The following METAP1 variants were observed in gnomAD, a reference collection of about 807,000 sequenced individuals.
The protein encoded by METAP1 is methionyl aminopeptidase 1, also known as methionine aminopeptidase 1.
In METAP1, 28 loss-of-function variants were observed where a neutral mutation model predicts 53.8. The observed-to-expected ratio is 0.52, with a 90% CI of 0.39 to 0.71. The LOEUF (loss-of-function observed/expected upper bound fraction) is 0.71, where lower values mean the gene tolerates loss of function less well. Among genes scored for constraint, METAP1 ranks in the 30% least tolerant of loss-of-function variants. METAP1 has a pLI of 0.00. For missense variants in METAP1, 389 were observed against 479.8 expected (o/e 0.81, Z 1.77); for synonymous variants, 181 against 165.7 (o/e 1.09, Z -0.71).
rs1727317845 is a variant in METAP1, at chr4:99,058,645, CT to C, written c.997+829del. Among the ~76,000 whole-genome samples the C allele has an allele frequency of 4.6e-5, 7 of 152,278 alleles. No homozygotes were observed. The South Asian group carries it at 1.5e-3, about 32-fold the overall frequency. On this transcript the variant is annotated intron_variant, in intron 10 of 10. Transcript: ENST00000296411. Reference sequence around the variant, plus strand: ...CCCTGTTTTAAAGGATACTCCCTCTCTTGATCCTTCCAGTCTTTTTATAACC... The same window carrying C: ...CCCTGTTTTAAAGGATACTCCCTCTCTGATCCTTCCAGTCTTTTTATAACC...
Position 99,035,411 on chromosome 4 carries a change from G to A in METAP1, c.291G>A (p.Arg97=), listed in dbSNP as rs1331515808. Residue 97 remains arginine, a synonymous_variant, in exon 4 of 11, where the codon AGG becomes AGA. Transcript: ENST00000296411. The part of the protein sequence containing the change: ...LRPHYPLMPT[R]PVPSYIQRPD... ...AACTTTGTTTTTAGATGCCAACAAG[G>A]CCAGTGCCAAGTTATATTCAAAGAC... The A allele has an allele frequency of 9.0e-6, 14 of 1,547,418 alleles. No homozygotes were observed. The highest frequency in any genetic ancestry group is 1.1e-5 in the Non-Finnish European group (13 of 1,143,538).
At chr4:99,017,491 G>A (rs1476065139) in intron 1 of METAP1, among the ~76,000 whole-genome samples, 3 of 152,136 alleles carry the variant, frequency 2.0e-5, no homozygotes, top group Non-Finnish European at 4.4e-5. Flanking sequence ...AGGAACAAAT[G>A]TTGTCTTGTT....
Position 99,018,152 on chromosome 4 carries a change from C to A in METAP1, c.115-10715C>A, listed in dbSNP as rs141141350. Reference sequence around the variant, plus strand: ...TCCAGTCAATCCCAGAAATAAGTTCCTGTTTTGTTTGAGGCAGGGGCAAGG... The same window carrying A: ...TCCAGTCAATCCCAGAAATAAGTTCATGTTTTGTTTGAGGCAGGGGCAAGG... On this transcript the variant is annotated intron_variant, in intron 1 of 10. Transcript: ENST00000296411. Among the ~76,000 whole-genome samples, 660 of 152,250 alleles carry A rather than the reference C, an allele frequency of 4.3e-3. 3 individuals are homozygous for A. The highest frequency in any genetic ancestry group is 6.0e-3 in the Non-Finnish European group (409 of 68,004).
intron 3 of METAP1, 53 bp from the exon 4 acceptor site, chr4:99,035,344 CCCT>C: frequency 7.9e-7 from 1 of 1,260,388 alleles, no homozygotes. Flanking sequence ...CTTCTTTCTC[CCCT>C]CGTTTTATTT....
At chr4:99,054,278 C>T (rs1044580657) in intron 9 of METAP1, among the ~76,000 whole-genome samples, 10 of 152,188 alleles carry the variant, frequency 6.6e-5, no homozygotes, top group Non-Finnish European at 1.3e-4. Flanking sequence ...TCTACATCAG[C>T]ACTTGCCGCT....
intron 1 of METAP1, 61 bp from the exon 2 acceptor site, chr4:99,028,806 T>C (rs1724774783): frequency 8.1e-7 from 1 of 1,230,948 alleles, no homozygotes; most frequent in Admixed American, 2.3e-5. Context: ...TATACAATAT[T>C]CCTTAAAATG....
At chr4:99,031,866 G>GAC (rs1725062228) in intron 2 of METAP1, among the ~76,000 whole-genome samples, 1 of 152,210 alleles carries the variant, frequency 6.6e-6, no homozygotes, top group African/African-American at 2.4e-5. Context: ...ACGTACTTAT[G>GAC]ACACTACCTG....
chr4:98,999,712 C>T (rs1486511905), intron 1 of METAP1, among the ~76,000 whole-genome samples: 2 of 151,114 alleles, frequency 1.3e-5, no homozygotes, highest in African/African-American at 2.4e-5. Flanking sequence ...GGGCTTTCAC[C>T]GTGTTAGCTA....
At chr4:99,033,508 G>A (rs1385014067) in intron 2 of METAP1, among the ~76,000 whole-genome samples, 1 of 152,158 alleles carries the variant, frequency 6.6e-6, no homozygotes, top group Non-Finnish European at 1.5e-5. Flanking sequence ...TCTTCTGTGT[G>A]AGTAGAATTC....
chr4:99,000,764 C>T (rs1423740830), intron 1 of METAP1, among the ~76,000 whole-genome samples: 6 of 145,030 alleles, frequency 4.1e-5, no homozygotes, highest in Non-Finnish European at 8.9e-5. Flanking sequence ...AGTGCAGTGG[C>T]GTGATCTTGG....
intron 8 of METAP1, among the ~76,000 whole-genome samples, chr4:99,047,944 G>C (rs142180654): frequency 0.012 from 1,884 of 152,306 alleles, 77 homozygotes; most frequent in Admixed American, 0.071. Context: ...GAAAGTTTGA[G>C]AACTATTTTT....
At chr4:99,046,473 A>C (rs536103126) in intron 8 of METAP1, among the ~76,000 whole-genome samples, 2 of 152,272 alleles carry the variant, frequency 1.3e-5, no homozygotes, top group African/African-American at 4.8e-5. Context: ...ACTGTTAATA[A>C]ATGGGCAAAC....
intron 2 of METAP1, among the ~76,000 whole-genome samples, chr4:99,033,720 T>C (rs1725223854): frequency 6.6e-6 from 1 of 152,232 alleles, no homozygotes; most frequent in Admixed American, 6.5e-5. Flanking sequence ...AAATATTGAC[T>C]TGAAAGCAAT....
chr4:99,013,515 G>T (rs558795467), intron 1 of METAP1, among the ~76,000 whole-genome samples: 2 of 152,106 alleles, frequency 1.3e-5, no homozygotes, highest in Non-Finnish European at 2.9e-5. Flanking sequence ...CTGCCAAAAG[G>T]GTGCACTCAC....
intron 9 of METAP1, among the ~76,000 whole-genome samples, chr4:99,056,423 GA>G (rs955798366): frequency 7.2e-5 from 11 of 152,184 alleles, no homozygotes; most frequent in African/African-American, 2.6e-4. Flanking sequence ...TGATGATCCT[GA>G]AAAAAACTTA....
chr4:99,057,812 T>C lies in METAP1; in HGVS notation c.991T>C (p.Cys331Arg). 6.3e-7 allele frequency: 1 copy of C among 1,593,318 alleles called. No homozygotes were observed. The highest frequency in any genetic ancestry group is 8.6e-7 in the Non-Finnish European group (1 of 1,168,978). The change falls in exon 10 of 11, where the codon TGT (cysteine) becomes CGT (arginine). Residue 331 changes from cysteine (C) to arginine (R), a missense_variant. Transcript: ENST00000296411. Reference protein sequence around the residue: ...GHVFTIEPMICEGGWQDETWP... With the variant: ...GHVFTIEPMIREGGWQDETWP... The stretch of plus-strand genomic sequence containing the variant: ...TGTATTTACAATTGAGCCAATGATT[T>C]GTGAAGGTGAGAAAAAAGGATGCCA...
chr4:99,003,859 C>G (rs1168822521), intron 1 of METAP1, among the ~76,000 whole-genome samples: 2 of 152,148 alleles, frequency 1.3e-5, no homozygotes. Context: ...ATTTCCTACA[C>G]TGTTTGACTG....
intron 1 of METAP1, among the ~76,000 whole-genome samples, chr4:99,027,617 A>G (rs1489133472): frequency 6.6e-6 from 1 of 151,954 alleles, no homozygotes; most frequent in African/African-American, 2.4e-5. Flanking sequence ...AGGAATAGGA[A>G]GTGGACATCT....
At chr4:99,045,152 T>G in intron 7 of METAP1, 27 bp from the exon 8 acceptor site, 1 of 1,605,320 alleles carries the variant, frequency 6.2e-7, no homozygotes, top group Middle Eastern at 1.7e-4. Flanking sequence ...ATAAGTATGG[T>G]CTTTATATTT....
Sources: allele counts gnomAD v4.1 joint callset (sites outside exome capture counted in the v4.1 genomes callset), GRCh38; gene constraint gnomAD v4.1.1; transcripts MANE v1.5; gene names NCBI Gene and HGNC (gene_info 2026-07-23, HGNC 2026-07-21).